Variants in EXD2 observed in about 807,000 individuals in gnomAD.
The protein encoded by EXD2 is exonuclease 3'-5' domain-containing protein 2.
A neutral mutation model predicts 62.5 loss-of-function variants in EXD2; 40 were observed. The ratio of observed to expected loss-of-function variants is 0.64; its 90% confidence interval spans 0.50 to 0.83. The LOEUF is 0.83. Among genes scored for constraint, EXD2 ranks in the 40% least tolerant of loss-of-function variants. The probability of loss-of-function intolerance (pLI) is 0.00; values close to 1 mark genes in which losing one functional copy is unlikely to be tolerated. For missense variants in EXD2, 671 were observed against 761.8 expected (o/e 0.88, Z 1.40); for synonymous variants, 239 against 291.9 (o/e 0.82, Z 1.85).
chr14:69,228,747 TCACAG>T lies in EXD2; in HGVS notation c.334-68_334-64del. 5 of 1,532,730 alleles carry T rather than the reference TCACAG, an allele frequency of 3.3e-6. No homozygotes were observed. The Admixed American group carries it at 8.1e-5, about 25-fold the overall frequency. The allele number at this position is 1,532,730 out of a possible 1,614,324, so 94.9% of individuals were successfully genotyped here. ...AGGATGTACCTCTTAGACTTTTTTG[TCACAG>T]TTATATGTTATGCTCGCTGCTGTGC... On this transcript the variant is annotated intron_variant, in intron 3 of 9. Coordinates refer to ENST00000685843, the MANE Select transcript of EXD2 (RefSeq NM_001193360.2).
chr14:69,236,460 A>C lies in EXD2; in HGVS notation c.1210A>C (p.Arg404=). Residue 404 remains arginine (R), a synonymous_variant, in exon 8 of 10, where the codon AGG becomes CGG. Transcript: ENST00000685843. ...VVKLRFEPAG[R]PESPGDYYLM... Reference sequence around the variant, plus strand: ...GAAGCTACGGTTTGAACCTGCAGGAAGGCCCGAATCTCCTGGAGACTATTA... The same window carrying C: ...GAAGCTACGGTTTGAACCTGCAGGACGGCCCGAATCTCCTGGAGACTATTA... The C allele has an allele frequency of 6.2e-7, 1 of 1,614,170 alleles. No homozygotes were observed. Among genetic ancestry groups the C allele is most frequent in the Non-Finnish European group, 8.5e-7 (1 of 1,180,018 alleles).
intron 1 of EXD2, among the ~76,000 whole-genome samples, chr14:69,196,880 A>C (rs2042224480): frequency 6.6e-6 from 1 of 151,988 alleles, no homozygotes; most frequent in African/African-American, 2.4e-5. Context: ...ACCTTGGATC[A>C]GAGTGCTGGA....
Position 69,236,547 on chromosome 14 carries a change from G to T in EXD2, c.1292+5G>T. On this transcript the variant is annotated splice_donor_5th_base_variant and intron_variant, in intron 8 of 9. Transcript: ENST00000685843. ...CAAGAGAGACTCCTACATTCGGTGA[G>T]TGCAGCATTGGGCCACCCTGGTTGT... 3 of 1,614,116 alleles carry T rather than the reference G, an allele frequency of 1.9e-6. No individual in the cohort carries two copies. The highest frequency in any genetic ancestry group is 2.5e-6 in the Non-Finnish European group (3 of 1,179,996).
chr14:69,237,673 C>T lies in EXD2; in HGVS notation c.1391C>T (p.Ala464Val), dbSNP rs745982912. ...DVLLLCTSCH[A>V]ISNYYDNHLK... ...CTGCTGCTCTGCACCTCCTGCCATG[C>T]CATTTCCAACTACTATGACAACCAT... Residue 464 changes from alanine (A) to valine (V), a missense_variant, in exon 9 of 10, where the codon GCC (alanine) becomes GTC (valine). Ala to Val is a moderately conservative substitution (Grantham distance 64, BLOSUM62 0). Transcript: ENST00000685843. The T allele has an allele frequency of 8.7e-6, 14 of 1,614,222 alleles. No individual in the cohort carries two copies. The South Asian group carries it at 1.5e-4, about 18-fold the overall frequency.
chr14:69,200,916 A>G (rs2042375558), intron 1 of EXD2, among the ~76,000 whole-genome samples: 1 of 151,874 alleles, frequency 6.6e-6, no homozygotes, highest in Admixed American at 6.6e-5. Flanking sequence ...TCTACTAAAA[A>G]TACAAAAATT....
At position 69,234,789 on chromosome 14, in the gene EXD2, A is replaced by T; in HGVS notation, c.807A>T (p.Glu269Asp). 6.2e-7 allele frequency: 1 copy of T among 1,614,216 alleles called. No individual in the cohort carries two copies. Among genetic ancestry groups the T allele is most frequent in the Non-Finnish European group, 8.5e-7 (1 of 1,180,044 alleles). Reference protein sequence around the residue: ...GYPFSRNSPGEKNDDHSSWRK... With the variant: ...GYPFSRNSPGDKNDDHSSWRK... ...CTTTCTCTAGGAATTCACCTGGAGA[A>T]AAAAACGATGACCACAGTAGCTGGA... is the stretch of plus-strand genomic sequence containing the variant. Residue 269 changes from glutamate to aspartate, a missense_variant, in exon 6 of 10, where the codon GAA becomes GAT. By Grantham distance (45) the Glu-to-Asp change is conservative. Transcript: ENST00000685843.
intron 3 of EXD2, among the ~76,000 whole-genome samples, chr14:69,218,424 A>G (rs1253783461): frequency 6.6e-6 from 1 of 152,118 alleles, no homozygotes; most frequent in Non-Finnish European, 1.5e-5. Flanking sequence ...GATTCTGGAT[A>G]TTAGCCCTTT....
intron 8 of EXD2, 106 bp from the exon 9 acceptor site, chr14:69,237,469 C>CAA: frequency 2.0e-6 from 2 of 978,116 alleles, no homozygotes; most frequent in Non-Finnish European, 3.2e-6. Flanking sequence ...CAAGGCTTCT[C>CAA]AGTCATGGTT....
At chr14:69,212,333 C>T (rs193047983) in intron 3 of EXD2, among the ~76,000 whole-genome samples, 80 of 152,144 alleles carry the variant, frequency 5.3e-4, no homozygotes, top group African/African-American at 1.9e-3. Flanking sequence ...GCCGAGATCA[C>T]GCCACTGCAT....
rs543870203 is a variant in EXD2, at chr14:69,226,215, T to TA, written c.334-2595dup. 1.7e-4 allele frequency among the ~76,000 whole-genome samples: 26 copies of TA among 152,314 alleles called. No individual in the cohort carries two copies. The East Asian group carries it at 5.0e-3, about 29-fold the overall frequency. ...AGGGAAAGAACTACTCATTAATTTT[T>TA]AAAAAAGTGATTTGGTCACATCCGG... On this transcript the variant is annotated intron_variant, in intron 3 of 9. Transcript: ENST00000685843.
At chr14:69,230,177 C>A (rs2043519820) in intron 4 of EXD2, among the ~76,000 whole-genome samples, 1 of 152,164 alleles carries the variant, frequency 6.6e-6, no homozygotes, top group South Asian at 2.1e-4. Flanking sequence ...TGCCACTTGC[C>A]AGCTGTATGA....
chr14:69,204,621 T>C (rs2042523046), intron 2 of EXD2, among the ~76,000 whole-genome samples: 1 of 152,216 alleles, frequency 6.6e-6, no homozygotes, highest in African/African-American at 2.4e-5. Context: ...ATTGTTTCAC[T>C]GATGAGATTT....
chr14:69,213,778 C>T (rs756748301), intron 3 of EXD2: 1 of 151,790 alleles, frequency 6.6e-6, no homozygotes, highest in Non-Finnish European at 1.5e-5. Flanking sequence ...ATTCTCCTGC[C>T]TCAGCCTCCT....
At chr14:69,208,966 T>A (rs1252962083) in intron 2 of EXD2, 1 of 152,316 alleles carries the variant, frequency 6.6e-6, no homozygotes, top group African/African-American at 2.4e-5. Context: ...ATTACAATTT[T>A]TTTTAAATTG....
chr14:69,202,840 G>C (rs895712225), intron 1 of EXD2, among the ~76,000 whole-genome samples: 7 of 152,122 alleles, frequency 4.6e-5, no homozygotes, highest in Non-Finnish European at 1.0e-4. Flanking sequence ...TTAGAAGAAG[G>C]ATTTTTGATT....
rs937484946 is a variant in EXD2 at position 69,243,498 on chromosome 14, T to G, written c.*2398T>G. On this transcript the variant is annotated 3_prime_UTR_variant, in exon 10 of 10. Coordinates refer to ENST00000685843, the MANE Select transcript of EXD2 (RefSeq NM_001193360.2). ...TGATTAACATGGTATCACGAGTAAC[T>G]TCCTATGTTTTTAAATCTTTGAAAA... is the stretch of plus-strand genomic sequence containing the variant. 8 of 152,220 alleles carry G rather than the reference T, an allele frequency of 5.3e-5. No individual in the cohort carries two copies. Among genetic ancestry groups the G allele is most frequent in the African/African-American group, 1.9e-4 (8 of 41,454 alleles). The allele number at this position is 152,220 out of a possible 1,614,324, so 9.4% of individuals were successfully genotyped here.
intron 5 of EXD2, 21 bp downstream of exon 5, chr14:69,230,619 T>A (rs2043541472): frequency 6.3e-7 from 1 of 1,585,166 alleles, no homozygotes; most frequent in Non-Finnish European, 8.6e-7. Flanking sequence ...TCAGAGTAGT[T>A]GAAGAATGGA....
chr14:69,236,185 A>C, intron 7 of EXD2, 33 bp downstream of exon 7: 1 of 1,575,488 alleles, frequency 6.3e-7, no homozygotes, highest in Non-Finnish European at 8.7e-7. Context: ...TTTATCTCTA[A>C]TTAGGTGCAT....
rs552294943 is a variant in EXD2, at chr14:69,196,786, C to T, written c.-132+5195C>T. Among the ~76,000 whole-genome samples, 609 of 132,538 alleles carry T rather than the reference C, an allele frequency of 4.6e-3. 2 individuals are homozygous for T. Among genetic ancestry groups the T allele is most frequent in the African/African-American group, 0.02 (576 of 28,870 alleles). 87.0% of individuals were successfully genotyped at this position (132,538 alleles called of 152,430 possible). On this transcript the variant is annotated intron_variant, in intron 1 of 9. Coordinates refer to ENST00000685843, the MANE Select transcript of EXD2 (RefSeq NM_001193360.2). Reference sequence around the variant, plus strand: ...CTATAGGCACACTACCACTCCTGGCCAATTAATTTTTTTTTTTTTTGAGGC... The same window carrying T: ...CTATAGGCACACTACCACTCCTGGCTAATTAATTTTTTTTTTTTTTGAGGC...
Sources: gnomAD v4.1 joint callset for allele counts (sites outside exome capture counted in the v4.1 genomes callset) on GRCh38, gnomAD v4.1.1 for gene constraint, MANE v1.5 for transcripts, NCBI Gene and HGNC (gene_info 2026-07-23, HGNC 2026-07-21) for gene names.